KHSRP: variants seen among roughly 807,000 people sequenced by gnomAD.
The protein encoded by KHSRP is far upstream element-binding protein 2.
A neutral mutation model predicts 94.9 loss-of-function variants in KHSRP; 13 were observed. The observed-to-expected ratio is 0.14, with a 90% CI of 0.09 to 0.22. The LOEUF is 0.22. Ranked by LOEUF, KHSRP falls within the 10% of genes least tolerant of loss-of-function variation. The probability of loss-of-function intolerance (pLI) is 1.00; values close to 1 mark genes in which losing one functional copy is unlikely to be tolerated. For synonymous variants in KHSRP, 495 were observed against 401.4 expected (o/e 1.23, Z -2.79); for missense variants, 710 against 1,010.0 (o/e 0.70, Z 4.03).
Position 6,414,488 on chromosome 19 carries a change from G to T in KHSRP, c.*536C>A. 1 of 1,090,302 alleles carries T rather than the reference G, an allele frequency of 9.2e-7. No individual in the cohort carries two copies. Among genetic ancestry groups the T allele is most frequent in the Non-Finnish European group, 1.1e-6 (1 of 897,138 alleles). 67.5% of individuals were successfully genotyped at this position (1,090,302 alleles called of 1,614,324 possible). On this transcript the variant is annotated 3_prime_UTR_variant, in exon 19 of 19. Transcript: ENST00000600480. ...CATGGTGTCCCCACAACACCCCTGT[G>T]AGGTAGGTTGGAAGGTGGCAACGAT...
chr19:6,416,910 A>T, intron 12 of KHSRP, 28 bp from the exon 13 acceptor site: 1 of 1,612,766 alleles, frequency 6.2e-7, no homozygotes, highest in Non-Finnish European at 8.5e-7. Context: ...GAGGAGGATG[A>T]TGAACCCTGG....
chr19:6,422,192 CAAG>C (rs1449038167), intron 2 of KHSRP, 145 bp downstream of exon 2: 10 of 602,170 alleles, frequency 1.7e-5, no homozygotes, highest in Admixed American at 2.9e-5. Context: ...GCAGACGGAA[CAAG>C]AAGAATTAAC....
In KHSRP at chr19:6,424,656, G is replaced by A; in HGVS notation, c.46C>T (p.Pro16Ser). ...TGGPPPGPPP[P>S]AGGGGGAGGA... The stretch of plus-strand genomic sequence containing the variant: ...CCGGCTCCCCCGCCCCCGCCGGCGG[G>A]CGGCGGCGGCCCGGGCGGGGGTCCT... The change falls in exon 1 of 19, where the codon CCC becomes TCC. Residue 16 changes from proline (P) to serine (S), a missense_variant. Around this residue, in one of 5 missense-constraint regions of KHSRP, gnomAD observed 92 missense variants for 80.8 expected, o/e 1.14. Coordinates refer to ENST00000600480, the MANE Select transcript of KHSRP (RefSeq NM_001366299.1). 2 of 1,020,742 alleles carry A rather than the reference G, an allele frequency of 2.0e-6. No homozygotes were observed. The highest frequency in any genetic ancestry group is 8.9e-5 in the South Asian group (2 of 22,354). The allele number at this position is 1,020,742 out of a possible 1,614,324, so 63.2% of individuals were successfully genotyped here.
Position 6,416,832 on chromosome 19 carries a change from T to TCGGCCC in KHSRP, c.1227_1232dup (p.Arg415_Gly416dup), listed in dbSNP as rs765792963. The TCGGCCC allele has an allele frequency of 3.8e-6, 6 of 1,589,512 alleles. No individual in the cohort carries two copies. Among genetic ancestry groups the TCGGCCC allele is most frequent in the Non-Finnish European group, 3.4e-6 (4 of 1,168,672 alleles). On this transcript the variant is annotated inframe_insertion, in exon 13 of 19. Transcript: ENST00000600480. The stretch of plus-strand genomic sequence containing the variant: ...AATTGCCTTGGCCTCTTCCTCGGCC[T>TCGGCCC]CGGCCCCCCGGGGGCATGCCTGGAC...
rs1354076829 is a variant in KHSRP at position 6,415,044 on chromosome 19, G to A, written c.2224C>T (p.Pro742Ser). 4.6e-6 allele frequency: 7 copies of A among 1,537,776 alleles called. No homozygotes were observed. Among genetic ancestry groups the A allele is most frequent in the Non-Finnish European group, 4.3e-6 (5 of 1,151,072 alleles). The change falls in exon 19 of 19, where the codon CCC becomes TCC. Residue 742 changes from proline (P) to serine (S), a missense_variant. This residue lies in a region of KHSRP where 292 missense variants were observed against 340.5 expected (regional missense o/e 0.86). Coordinates refer to ENST00000600480, the MANE Select transcript of KHSRP (RefSeq NM_001366299.1). Reference protein sequence around the residue: ...ALVGSAGNPFPCGVCP With the variant: ...ALVGSAGNPFSCGVCP ...AGGCATCAAGGGCACACCCCGCAGG[G>A]GAAGGGGTTTCCGGCGCTACCCACT...
chr19:6,413,923 A>C lies in KHSRP; in HGVS notation c.*1101T>G. On this transcript the variant is annotated 3_prime_UTR_variant, in exon 19 of 19. Transcript: ENST00000600480. ...TTTTGAAAGAAAAAGCATGTGAGAC[A>C]CAGAACAGGCGAGAGAGTGAGGGCC... 1.7e-6 allele frequency: 1 copy of C among 587,160 alleles called. No individual in the cohort carries two copies. Among genetic ancestry groups the C allele is most frequent in the Non-Finnish European group, 2.7e-6 (1 of 376,560 alleles). The allele number at this position is 587,160 out of a possible 1,614,324, so 36.4% of individuals were successfully genotyped here.
chr19:6,417,213 C>A, intron 11 of KHSRP, 126 bp from the exon 12 acceptor site: 1 of 716,278 alleles, frequency 1.4e-6, no homozygotes, highest in South Asian at 1.9e-5. Context: ...GCGCCGCTCC[C>A]AGCCTCCACT....
rs531736142 is a variant in KHSRP at position 6,417,205 on chromosome 19, G to A, written c.1082-118C>T. 8.0e-5 allele frequency: 59 copies of A among 736,692 alleles called. No individual in the cohort carries two copies. The East Asian group carries it at 9.4e-4, about 12-fold the overall frequency. 45.6% of individuals were successfully genotyped at this position (736,692 alleles called of 1,614,324 possible). On this transcript the variant is annotated intron_variant, in intron 11 of 18. Transcript: ENST00000600480. ...CGGCCTGAGATCTCAGACGCGCTGCGCCGCTCCCAGCCTCCACTCGCTCAG... is the reference window on the plus strand; with the variant it reads ...CGGCCTGAGATCTCAGACGCGCTGCACCGCTCCCAGCCTCCACTCGCTCAG...
rs569524016 is a variant in KHSRP at position 6,422,454 on chromosome 19, G to T, written c.250-18C>A. The T allele has an allele frequency of 1.1e-5, 18 of 1,592,046 alleles. No individual in the cohort carries two copies. The African/African-American group carries it at 2.3e-4, about 20-fold the overall frequency. ...GCTGCAATCTAGAATAAAGTAGTAAGCACAGAAGAATTACCACCAAAAACA... is the reference window on the plus strand; with the variant it reads ...GCTGCAATCTAGAATAAAGTAGTAATCACAGAAGAATTACCACCAAAAACA... On this transcript the variant is annotated intron_variant, in intron 1 of 18. Coordinates refer to ENST00000600480, the MANE Select transcript of KHSRP (RefSeq NM_001366299.1).
Position 6,413,696 on chromosome 19 carries a change from G to A in KHSRP, c.*1328C>T, listed in dbSNP as rs1437236237. 2 of 158,194 alleles carry A rather than the reference G, an allele frequency of 1.3e-5. No homozygotes were observed. The highest frequency in any genetic ancestry group is 4.8e-5 in the African/African-American group (2 of 41,368). 9.8% of individuals were successfully genotyped at this position (158,194 alleles called of 1,614,324 possible). ...AAAAACAAGAGGGCCGAGGGTGGGA[G>A]AAAATGAATTGCTTTATCCTCAGAG... On this transcript the variant is annotated 3_prime_UTR_variant, in exon 19 of 19. Transcript: ENST00000600480.
At position 6,414,921 on chromosome 19, in the gene KHSRP, G is replaced by A. The variant is rs952265735; in HGVS notation, c.*103C>T. The A allele has an allele frequency of 2.9e-5, 41 of 1,399,172 alleles. No individual in the cohort carries two copies. The highest frequency in any genetic ancestry group is 9.7e-5 in the Admixed American group (3 of 30,890). The allele number at this position is 1,399,172 out of a possible 1,614,324, so 86.7% of individuals were successfully genotyped here. A position where few individuals can be genotyped will look rare whatever the true frequency, so the allele number is the denominator to read the frequency against. ...CGGCACACAGGAACAAGCAGCCGGC[G>A]CAGGGAGGCCTCTTCGTTTAACCTC... On this transcript the variant is annotated 3_prime_UTR_variant, in exon 19 of 19. Coordinates refer to ENST00000600480, the MANE Select transcript of KHSRP (RefSeq NM_001366299.1).
At chr19:6,415,786 C>CGG in intron 16 of KHSRP, 22 bp downstream of exon 16, 3 of 1,557,288 alleles carry the variant, frequency 1.9e-6, no homozygotes, top group Non-Finnish European at 2.6e-6. Context: ...GCCTGCCCTC[C>CGG]GCCAGGTGGC....
chr19:6,424,558 G>A lies in KHSRP; in HGVS notation c.144C>T (p.Gly48=), dbSNP rs2092220800. 7.2e-6 allele frequency: 7 copies of A among 968,126 alleles called. No individual in the cohort carries two copies. Among genetic ancestry groups the A allele is most frequent in the Non-Finnish European group, 8.6e-6 (7 of 817,492 alleles). 60.0% of individuals were successfully genotyped at this position (968,126 alleles called of 1,614,324 possible). ...GDRGGGGPGG[G]GPGGGSAGGP... The stretch of plus-strand genomic sequence containing the variant: ...CCCCGGCCGACCCCCCGCCCGGGCC[G>A]CCGCCGCCGGGACCGCCGCCGCCCC... Residue 48 remains glycine (G), a synonymous_variant, in exon 1 of 19, where the codon GGC becomes GGT. Transcript: ENST00000600480.
chr19:6,414,832 C>A lies in KHSRP; in HGVS notation c.*192G>T. 1 of 1,235,386 alleles carries A rather than the reference C, an allele frequency of 8.1e-7. No homozygotes were observed. The highest frequency in any genetic ancestry group is 1.0e-6 in the Non-Finnish European group (1 of 986,260). The allele number at this position is 1,235,386 out of a possible 1,614,324, so 76.5% of individuals were successfully genotyped here. The stretch of plus-strand genomic sequence containing the variant: ...CACCGTCCGCGCTGTCTGCCTGCCC[C>A]CCGACTCCCCAGCAGTTCAGAAGTC... On this transcript the variant is annotated 3_prime_UTR_variant, in exon 19 of 19. Coordinates refer to ENST00000600480, the MANE Select transcript of KHSRP (RefSeq NM_001366299.1).
At chr19:6,421,538 C>T (rs2092195015) in intron 3 of KHSRP, 112 bp downstream of exon 3, 3 of 1,221,928 alleles carry the variant, frequency 2.5e-6, no homozygotes, top group East Asian at 4.6e-5. Flanking sequence ...CAGAATGAAG[C>T]ACCAGGGGCC....
Position 6,414,597 on chromosome 19 carries a change from G to A in KHSRP, c.*427C>T. The A allele has an allele frequency of 9.8e-7, 1 of 1,016,510 alleles. No individual in the cohort carries two copies. The highest frequency in any genetic ancestry group is 1.2e-6 in the Non-Finnish European group (1 of 851,026). The allele number at this position is 1,016,510 out of a possible 1,614,324, so 63.0% of individuals were successfully genotyped here. ...CTGAGCCCGGCGGGGCAGGGGCCTG[G>A]GCCGCTCCCCGCGTCCCCACCAGTC... is the stretch of plus-strand genomic sequence containing the variant. On this transcript the variant is annotated 3_prime_UTR_variant, in exon 19 of 19. Coordinates refer to ENST00000600480, the MANE Select transcript of KHSRP (RefSeq NM_001366299.1).
chr19:6,420,609 TCA>T (rs1358299257), intron 4 of KHSRP, 138 bp from the exon 5 acceptor site: 10 of 770,566 alleles, frequency 1.3e-5, no homozygotes, highest in Middle Eastern at 2.4e-4. Flanking sequence ...TGCCAAGGCC[TCA>T]GTTTCCCCAT....
In KHSRP at chr19:6,414,771, G is replaced by A. The variant is rs2092130008; in HGVS notation, c.*253C>T. On this transcript the variant is annotated 3_prime_UTR_variant, in exon 19 of 19. Coordinates refer to ENST00000600480, the MANE Select transcript of KHSRP (RefSeq NM_001366299.1). ...TAGACGTTTTCTTCCCAAGTGGCCA[G>A]ATTGTGAGCGAGGTGGTGGCGGCCG... 1 of 1,124,588 alleles carries A rather than the reference G, an allele frequency of 8.9e-7. No individual in the cohort carries two copies. Among genetic ancestry groups the A allele is most frequent in the Non-Finnish European group, 1.1e-6 (1 of 919,318 alleles). 69.7% of individuals were successfully genotyped at this position (1,124,588 alleles called of 1,614,324 possible).
At position 6,418,484 on chromosome 19, in the gene KHSRP, T is replaced by C; in HGVS notation, c.878A>G (p.Gln293Arg). The C allele has an allele frequency of 6.2e-7, 1 of 1,613,064 alleles. No individual in the cohort carries two copies. The highest frequency in any genetic ancestry group is 8.5e-7 in the Non-Finnish European group (1 of 1,179,234). The change falls in exon 9 of 19, where the codon CAG becomes CGG. Residue 293 changes from glutamine (Q) to arginine (R), a missense_variant and splice_region_variant. This residue lies in a region of KHSRP where 288 missense variants were observed against 501.1 expected (regional missense o/e 0.57). Transcript: ENST00000600480. This position sits in a 1 kb window ranked among gnomAD's most constrained non-coding sequence, Gnocchi z 4.3. ...TCCACCACCCCAGGGCGTGCTCACC[T>C]GCACTTTGTAAGGATCCCCAATGAT... ...LRIIGDPYKV[Q>R]QACEMVMDIL...
Sources: gnomAD v4.1 joint callset for allele counts on GRCh38, gnomAD v4.1.1 for gene constraint, gnomAD v4.1.1 regional missense constraint, Gnocchi (gnomAD v3.1) non-coding constraint, MANE v1.5 for transcripts, NCBI Gene and HGNC (gene_info 2026-07-23, HGNC 2026-07-21) for gene names.